Variants in HUWE1 observed in about 807,000 individuals in gnomAD.
HUWE1 encodes the protein HECT, UBA and WWE domain containing E3 ubiquitin protein ligase 1, also known as E3 ubiquitin-protein ligase HUWE1.
In HUWE1, 18 loss-of-function variants were observed where a neutral mutation model predicts 299.4. The observed-to-expected ratio is 0.06, with a 90% CI of 0.04 to 0.09. The LOEUF (loss-of-function observed/expected upper bound fraction) is 0.09, where lower values mean the gene tolerates loss of function less well. Ranked by LOEUF, HUWE1 falls within the 10% of genes least tolerant of loss-of-function variation. HUWE1 has a pLI of 1.00. For missense variants in HUWE1, 1,832 were observed against 3,462.3 expected, an observed-to-expected ratio of 0.53 and a Z score of 11.82; for synonymous variants, 1,317 against 1,286.1, an observed-to-expected ratio of 1.02 and a Z score of -0.51.
intron 3 of HUWE1, among the ~76,000 whole-genome samples, chrX:53,655,542 A>G (rs2068705167): frequency 8.9e-6 from 1 of 112,460 alleles, no homozygotes; most frequent in Non-Finnish European, 1.9e-5. Context: ...TACAAAATGA[A>G]CAAAATGCCT....
intron 3 of HUWE1, among the ~76,000 whole-genome samples, chrX:53,677,099 C>A (rs2069862356): frequency 1.1e-5 from 1 of 94,699 alleles, no homozygotes; most frequent in Non-Finnish European, 2.1e-5. Context: ...CACCCCCCCG[C>A]AATATATTTG....
intron 2 of HUWE1, among the ~76,000 whole-genome samples, chrX:53,682,153 C>T (rs1350895074): frequency 1.8e-5 from 2 of 112,396 alleles, no homozygotes; most frequent in African/African-American, 6.5e-5. Context: ...TGCATTCTTA[C>T]ACCAAAAAGT....
chrX:53,577,493 T>C (rs1229786371), intron 43 of HUWE1, among the ~76,000 whole-genome samples: 2 of 67,063 alleles, frequency 3.0e-5, no homozygotes, highest in Non-Finnish European at 6.3e-5. Flanking sequence ...CTCCCTCCTC[T>C]CCCTCCTCTC....
chrX:53,616,874 C>T (rs782101378), intron 21 of HUWE1, 96 bp downstream of exon 21: 2 of 718,242 alleles, frequency 2.8e-6, no homozygotes, highest in South Asian at 5.0e-5. Context: ...AAACTTAGCA[C>T]ACCTAACCAG....
intron 61 of HUWE1, among the ~76,000 whole-genome samples, chrX:53,554,227 G>GT (rs1305094560): frequency 7.3e-5 from 8 of 109,983 alleles, no homozygotes; most frequent in South Asian, 3.9e-4. Flanking sequence ...ATTTTGGAGA[G>GT]TTTTTTTTTC....
intron 5 of HUWE1, 116 bp from the exon 6 acceptor site, chrX:53,647,690 TC>T (rs2068148263): frequency 1.7e-6 from 1 of 583,943 alleles, no homozygotes. Context: ...CAAGTTCACG[TC>T]CCACCCTTGC....
Position 53,627,754 on chromosome X carries a change from G to A in HUWE1, c.1368C>T (p.Phe456=), listed in dbSNP as rs782181364. The A allele has an allele frequency of 3.3e-6, 4 of 1,201,507 alleles. No homozygotes were observed. The Admixed American group carries it at 6.5e-5, about 20-fold the overall frequency. The change falls in exon 16 of 84, where the codon TTC becomes TTT. Residue 456 remains phenylalanine, a synonymous_variant. Coordinates refer to ENST00000262854, the MANE Select transcript of HUWE1 (RefSeq NM_031407.7). The part of the protein sequence containing the change: ...AFQSHSGLSI[F]IYRLEHEVDL... ...ATAATAATACCTCAAGTCTATAAATGAAGATAGAAAGTCCACTATGGGATT... is the reference window on the plus strand; with the variant it reads ...ATAATAATACCTCAAGTCTATAAATAAAGATAGAAAGTCCACTATGGGATT...
intron 68 of HUWE1, among the ~76,000 whole-genome samples, chrX:53,547,282 G>A (rs1556923784): frequency 8.9e-6 from 1 of 111,944 alleles, no homozygotes; most frequent in African/African-American, 3.2e-5. Context: ...TATCCTGCCC[G>A]CCCTTGAACT....
chrX:53,584,566 A>G (rs1294696625), intron 40 of HUWE1, among the ~76,000 whole-genome samples: 2 of 111,397 alleles, frequency 1.8e-5, no homozygotes, highest in Non-Finnish European at 3.8e-5. Context: ...CAGAGCAAAT[A>G]CCATCCCTAA....
At chrX:53,541,593 C>G (rs781878412) in intron 74 of HUWE1, among the ~76,000 whole-genome samples, 332 of 110,424 alleles carry the variant, frequency 3.0e-3, no homozygotes, top group Non-Finnish European at 5.4e-3. Flanking sequence ...GACTCTGTGT[C>G]AAAAAACAAA....
intron 48 of HUWE1, 129 bp downstream of exon 48, chrX:53,569,487 A>G: frequency 1.7e-6 from 1 of 595,213 alleles, no homozygotes; most frequent in Non-Finnish European, 2.8e-6. Flanking sequence ...GAACTATTTG[A>G]GCGGACCAGA....
intron 49 of HUWE1, among the ~76,000 whole-genome samples, chrX:53,566,467 TA>T (rs2062580573): frequency 9.2e-6 from 1 of 108,783 alleles, no homozygotes; most frequent in Non-Finnish European, 1.9e-5. Flanking sequence ...GAAAAAAAAT[TA>T]ATGGGATCAT....
Position 53,684,654 on chromosome X carries a change from C to T in HUWE1, c.-163+1616G>A, listed in dbSNP as rs782570916. On this transcript the variant is annotated intron_variant, in intron 2 of 83. Coordinates refer to ENST00000262854, the MANE Select transcript of HUWE1 (RefSeq NM_031407.7). The stretch of plus-strand genomic sequence containing the variant: ...AGAGTCCCCCATTGTTACCTGTCTC[C>T]AGGAATAACATATTATCCTGGACTA... 3.7e-4 allele frequency among the ~76,000 whole-genome samples: 42 copies of T among 112,540 alleles called. No individual in the cohort carries two copies. In the East Asian group the frequency reaches 0.012, roughly 31 times the overall value.
chrX:53,596,272 A>T (rs1236430215), intron 29 of HUWE1, among the ~76,000 whole-genome samples: 1 of 111,511 alleles, frequency 9.0e-6, no homozygotes, highest in Non-Finnish European at 1.9e-5. Flanking sequence ...AGATATACTG[A>T]AAATTTTGGA....
chrX:53,584,793 T>C (rs1485727051), intron 40 of HUWE1, among the ~76,000 whole-genome samples: 1 of 111,673 alleles, frequency 9.0e-6, no homozygotes, highest in Non-Finnish European at 1.9e-5. Flanking sequence ...TTTGATAAAG[T>C]TTACAGTAGG....
intron 7 of HUWE1, among the ~76,000 whole-genome samples, chrX:53,638,722 T>A (rs992846993): frequency 8.9e-6 from 1 of 111,794 alleles, no homozygotes; most frequent in Non-Finnish European, 1.9e-5. Flanking sequence ...AGGAGTTAGG[T>A]GGGATGGAGG....
intron 3 of HUWE1, among the ~76,000 whole-genome samples, chrX:53,673,983 G>C (rs1398029715): frequency 9.0e-6 from 1 of 110,999 alleles, no homozygotes; most frequent in Non-Finnish European, 1.9e-5. Context: ...TGCCAAAATT[G>C]CCTCCAAAAT....
chrX:53,542,195 A>C (rs983678990), intron 74 of HUWE1, among the ~76,000 whole-genome samples: 3 of 111,747 alleles, frequency 2.7e-5, no homozygotes, highest in Admixed American at 9.4e-5. Flanking sequence ...CAACCACCAC[A>C]ACAAGAGAAA....
At chrX:53,663,510 T>C (rs1399022380) in intron 3 of HUWE1, among the ~76,000 whole-genome samples, 1 of 109,944 alleles carries the variant, frequency 9.1e-6, no homozygotes, top group Non-Finnish European at 1.9e-5. Flanking sequence ...TGAAACTCCA[T>C]CTCGGGGGAA....
Sources: gnomAD v4.1 joint callset for allele counts (sites outside exome capture counted in the v4.1 genomes callset) on GRCh38, gnomAD v4.1.1 for gene constraint, MANE v1.5 for transcripts, NCBI Gene and HGNC (gene_info 2026-07-23, HGNC 2026-07-21) for gene names.